The following SPECC1 variants were observed in gnomAD, a reference collection of about 807,000 sequenced individuals.
The protein encoded by SPECC1 is sperm antigen with calponin homology and coiled-coil domains 1.
SPECC1 carries 62 observed loss-of-function variants against 104.1 expected under a neutral mutation model. The observed-to-expected ratio is 0.60, with a 90% CI of 0.49 to 0.74. The LOEUF (loss-of-function observed/expected upper bound fraction) is 0.74. SPECC1 is among the 30% of genes least tolerant of loss of function. SPECC1 has a pLI of 0.00. For missense variants in SPECC1, 1,306 were observed against 1,310.5 expected, an observed-to-expected ratio of 1.00 and a Z score of 0.05; for synonymous variants, 513 against 501.6, an observed-to-expected ratio of 1.02 and a Z score of -0.30.
At chr17:20,304,004 G>A (rs899932072) in intron 13 of SPECC1, among the ~76,000 whole-genome samples, 1 of 149,536 alleles carries the variant, frequency 6.7e-6, no homozygotes, top group Non-Finnish European at 1.5e-5. Context: ...AGGTGCCATA[G>A]CTCACACCTG....
chr17:20,126,595 G>A (rs938114779), intron 3 of SPECC1: 9 of 152,192 alleles, frequency 5.9e-5, no homozygotes, highest in African/African-American at 1.9e-4. Flanking sequence ...ATTCTCAGGT[G>A]TCTTCCAAGC....
chr17:20,098,378 C>G (rs1476818985), intron 2 of SPECC1, among the ~76,000 whole-genome samples: 2 of 152,240 alleles, frequency 1.3e-5, no homozygotes, highest in African/African-American at 4.8e-5. Context: ...CACTGCCTCC[C>G]TTGTGACCAG....
chr17:20,257,958 G>A (rs2039893439), intron 11 of SPECC1, among the ~76,000 whole-genome samples: 2 of 152,204 alleles, frequency 1.3e-5, no homozygotes, highest in Admixed American at 1.3e-4. Context: ...GGTGTCATGT[G>A]TCTGAACTAG....
At position 20,187,973 on chromosome 17, in the gene SPECC1, G is replaced by A. The variant is rs544331042; in HGVS notation, c.284-16360G>A. Among the ~76,000 whole-genome samples, 15 of 152,292 alleles carry A rather than the reference G, an allele frequency of 9.8e-5. 1 individual carries two copies. The South Asian group carries it at 3.1e-3, about 32-fold the overall frequency. On this transcript the variant is annotated intron_variant, in intron 3 of 14. Coordinates refer to ENST00000395527, the MANE Select transcript of SPECC1 (RefSeq NM_001243439.2). The stretch of plus-strand genomic sequence containing the variant: ...GTGGTTCCAGAGTGTTTCAGAACTG[G>A]AATCGGTGTGTGCCATGTTAATGAA...
chr17:20,155,874 T>G, intron 3 of SPECC1: 5 of 1,073,838 alleles, frequency 4.7e-6, no homozygotes, highest in Non-Finnish European at 5.8e-6. Context: ...GAAATACAGA[T>G]GAGGTGGGCG....
At chr17:20,218,400 G>A (rs181556310) in intron 4 of SPECC1, among the ~76,000 whole-genome samples, 3 of 152,054 alleles carry the variant, frequency 2.0e-5, no homozygotes, top group African/African-American at 7.2e-5. Context: ...CAGAATATAT[G>A]TCCTTAGTCA....
intron 1 of SPECC1, among the ~76,000 whole-genome samples, chr17:20,068,454 C>A (rs1032983789): frequency 3.3e-5 from 5 of 152,202 alleles, no homozygotes; most frequent in Non-Finnish European, 5.9e-5. Flanking sequence ...CATTTGTCTG[C>A]AGGTTCTTGT....
At chr17:20,288,712 C>T (rs1385074839) in intron 12 of SPECC1, among the ~76,000 whole-genome samples, 1 of 149,810 alleles carries the variant, frequency 6.7e-6, no homozygotes, top group East Asian at 2.0e-4. Context: ...ATTAATTGGA[C>T]TTACAGTTTC....
In SPECC1 at chr17:20,316,900, GCC is replaced by G; in HGVS notation, c.*2838_*2839del. On this transcript the variant is annotated 3_prime_UTR_variant, in exon 15 of 15. Coordinates refer to ENST00000395527, the MANE Select transcript of SPECC1 (RefSeq NM_001243439.2). ...CTCCCTCCCCGCTGGGGCCATACCA[GCC>G]CCTCTCCACTGGGAGCCCAAGTTGC... The G allele has an allele frequency of 4.7e-6, 1 of 214,472 alleles. No homozygotes were observed. The highest frequency in any genetic ancestry group is 9.4e-6 in the Non-Finnish European group (1 of 106,082). The allele number at this position is 214,472 out of a possible 1,614,324, so 13.3% of individuals were successfully genotyped here.
intron 9 of SPECC1, among the ~76,000 whole-genome samples, chr17:20,249,595 T>C (rs758108012): frequency 3.3e-5 from 5 of 151,888 alleles, no homozygotes; most frequent in Non-Finnish European, 5.9e-5. Flanking sequence ...AGTGACAAGG[T>C]AGAGAATTTC....
chr17:20,035,017 A>G (rs986843507), intron 1 of SPECC1, among the ~76,000 whole-genome samples: 1 of 152,186 alleles, frequency 6.6e-6, no homozygotes, highest in Non-Finnish European at 1.5e-5. Context: ...ATAGATGTGC[A>G]ATGACTCTAC....
chr17:20,024,980 C>G (rs975497318), intron 1 of SPECC1, among the ~76,000 whole-genome samples: 1 of 152,072 alleles, frequency 6.6e-6, no homozygotes. Context: ...AGATAAAAAC[C>G]CTACTTCTGT....
chr17:20,227,536 G>A lies in SPECC1; in HGVS notation c.1987G>A (p.Glu663Lys), dbSNP rs1270702119. The part of the protein sequence containing the change: ...ESDAEIKDMK[E>K]TIFELEDQVE... The stretch of plus-strand genomic sequence containing the variant: ...TGATGCAGAGATCAAAGACATGAAA[G>A]AAACCATATTTGAATTGGAAGATCA... The change falls in exon 5 of 15, where the codon GAA becomes AAA. Residue 663 changes from glutamate (E) to lysine (K), a missense_variant. Around this residue, in one of 2 missense-constraint regions of SPECC1, gnomAD observed 1,177 missense variants for 1,139.9 expected, o/e 1.03. Coordinates refer to ENST00000395527, the MANE Select transcript of SPECC1 (RefSeq NM_001243439.2). 7 of 1,612,886 alleles carry A rather than the reference G, an allele frequency of 4.3e-6. No individual in the cohort carries two copies. The highest frequency in any genetic ancestry group is 5.9e-6 in the Non-Finnish European group (7 of 1,179,720).
intron 1 of SPECC1, among the ~76,000 whole-genome samples, chr17:20,038,609 C>G (rs1369640377): frequency 6.6e-6 from 1 of 152,086 alleles, no homozygotes; most frequent in Non-Finnish European, 1.5e-5. Flanking sequence ...ACCATCTTGG[C>G]CAGGCTGGTC....
At chr17:20,062,844 A>T (rs1473183965) in intron 1 of SPECC1, among the ~76,000 whole-genome samples, 1 of 151,920 alleles carries the variant, frequency 6.6e-6, no homozygotes, top group Non-Finnish European at 1.5e-5. Context: ...GCACGCTACC[A>T]TCTCGGCTAA....
intron 12 of SPECC1, among the ~76,000 whole-genome samples, chr17:20,269,268 A>G (rs2040319396): frequency 6.6e-6 from 1 of 152,132 alleles, no homozygotes; most frequent in Admixed American, 6.5e-5. Flanking sequence ...GAGGGTTCCC[A>G]TTGTTTCCAG....
intron 3 of SPECC1, among the ~76,000 whole-genome samples, chr17:20,152,699 G>A (rs539535845): frequency 1.3e-5 from 2 of 152,314 alleles, no homozygotes; most frequent in African/African-American, 4.8e-5. Flanking sequence ...TTGAGATGGA[G>A]TCTTGCTCTG....
At chr17:20,252,067 A>AT (rs1358718774) in intron 9 of SPECC1, among the ~76,000 whole-genome samples, 1 of 152,174 alleles carries the variant, frequency 6.6e-6, no homozygotes, top group Non-Finnish European at 1.5e-5. Context: ...TAATGCTATG[A>AT]TAACAGTTGT....
At chr17:20,033,538 G>A (rs1007007633) in intron 1 of SPECC1, among the ~76,000 whole-genome samples, 2 of 152,246 alleles carry the variant, frequency 1.3e-5, no homozygotes, top group Admixed American at 6.5e-5. Flanking sequence ...TGCTTCTGGC[G>A]AGGGCTTCAG....
Sources: gnomAD v4.1 joint callset for allele counts (sites outside exome capture counted in the v4.1 genomes callset) on GRCh38, gnomAD v4.1.1 for gene constraint, gnomAD v4.1.1 regional missense constraint, MANE v1.5 for transcripts, NCBI Gene and HGNC (gene_info 2026-07-23, HGNC 2026-07-21) for gene names.